TSC22D3: variants seen among roughly 807,000 people sequenced by gnomAD.
TSC22D3 encodes TSC22 domain family protein 3.
A neutral mutation model predicts 11.1 loss-of-function variants in TSC22D3; 4 were observed. The ratio of observed to expected loss-of-function variants is 0.36; its 90% CI spans 0.18 to 0.83. The LOEUF is 0.83. TSC22D3 is among the 40% of genes least tolerant of loss of function. The probability of loss-of-function intolerance (pLI) is 0.48; values close to 1 mark genes in which losing one functional copy is unlikely to be tolerated. For missense variants in TSC22D3, 118 were observed against 159.4 expected, an observed-to-expected ratio of 0.74 and a Z score of 1.40; for synonymous variants, 77 against 70.3, an observed-to-expected ratio of 1.10 and a Z score of -0.48.
intron 1 of TSC22D3, chrX:107,716,151 G>A: frequency 1.6e-6 from 1 of 632,223 alleles, no homozygotes; most frequent in Non-Finnish European, 2.3e-6. Context: ...ATCCAGGCCG[G>A]CTCAGCGCTG....
intron 2 of TSC22D3, chrX:107,715,625 C>A (rs1325008216): frequency 1.2e-5 from 5 of 407,706 alleles, no homozygotes; most frequent in Non-Finnish European, 2.2e-5. Context: ...AGCTCCCTGC[C>A]CAACAACAGG....
At position 107,758,701 on chromosome X, in the gene TSC22D3, C is replaced by A. The variant is rs185645986; in HGVS notation, c.320+16399G>T. On this transcript the variant is annotated intron_variant, in intron 1 of 2. Coordinates refer to ENST00000372383, the MANE Select transcript of TSC22D3 (RefSeq NM_198057.3). ...TCCCTCACAATTCAATAGAGAATTT[C>A]TGCAAACACACACGTAAAGAACTCA... Among the ~76,000 whole-genome samples, 76 of 111,698 alleles carry A rather than the reference C, an allele frequency of 6.8e-4. 2 individuals are homozygous for A. The highest frequency in any genetic ancestry group is 5.6e-3 in the Admixed American group (59 of 10,596).
At chrX:107,756,226 ATTTT>A (rs1210734421) in intron 1 of TSC22D3, among the ~76,000 whole-genome samples, 1 of 111,757 alleles carries the variant, frequency 8.9e-6, no homozygotes, top group African/African-American at 3.3e-5. Context: ...CACTATCAAG[ATTTT>A]TTGCCATATC....
intron 1 of TSC22D3, among the ~76,000 whole-genome samples, chrX:107,719,364 T>C (rs777492396): frequency 8.9e-6 from 1 of 111,878 alleles, no homozygotes; most frequent in South Asian, 3.7e-4. Flanking sequence ...CTCGTCTGAG[T>C]TGTTCATTAG....
intron 1 of TSC22D3, among the ~76,000 whole-genome samples, chrX:107,747,682 G>A (rs760811671): frequency 5.5e-4 from 62 of 113,019 alleles, no homozygotes; most frequent in Non-Finnish European, 1.0e-3. Flanking sequence ...CCAGACACTC[G>A]GCTGTTGCCG....
At position 107,775,343 on chromosome X, in the gene TSC22D3, C is replaced by T. The variant is rs944324427; in HGVS notation, c.77G>A (p.Arg26Gln). ...GCTGCTGCCTCGCTGGAGCCCACTCCGATGGGCCAGGTCCAGGCAGCAGTT... is the reference window on the plus strand; with the variant it reads ...GCTGCTGCCTCGCTGGAGCCCACTCTGATGGGCCAGGTCCAGGCAGCAGTT... ...CCNCCLDLAH[R>Q]SGLQRGSSGE... Residue 26 changes from arginine (R) to glutamine (Q), a missense_variant, in exon 1 of 3, where the codon CGG (arginine) becomes CAG (glutamine). Arg to Gln is a conservative substitution (Grantham distance 43). Transcript: ENST00000372383. 8.3e-7 allele frequency: 1 copy of T among 1,208,183 alleles called. No homozygotes were observed. Among genetic ancestry groups the T allele is most frequent in the African/African-American group, 1.8e-5 (1 of 57,121 alleles).
chrX:107,713,904 T>C lies in TSC22D3; in HGVS notation c.*615A>G, dbSNP rs1177885689. On this transcript the variant is annotated 3_prime_UTR_variant, in exon 3 of 3. Transcript: ENST00000372383. ...CATTTATGGCTATATAGAAAAACTA[T>C]GCCAATACTAACCAAACAGAACTTT... The C allele has an allele frequency of 8.8e-6, 1 of 112,995 alleles. No homozygotes were observed. The highest frequency in any genetic ancestry group is 1.9e-5 in the Non-Finnish European group (1 of 53,523). The allele number at this position is 112,995 out of a possible 1,213,427, so 9.3% of individuals were successfully genotyped here.
chrX:107,717,922 T>C (rs1413834457), intron 1 of TSC22D3, among the ~76,000 whole-genome samples: 3 of 112,030 alleles, frequency 2.7e-5, no homozygotes, highest in Middle Eastern at 4.2e-3. Context: ...GGATCCCGTG[T>C]CTCTATTTTT....
chrX:107,714,412 G>A lies in TSC22D3; in HGVS notation c.*107C>T. On this transcript the variant is annotated 3_prime_UTR_variant, in exon 3 of 3. Coordinates refer to ENST00000372383, the MANE Select transcript of TSC22D3 (RefSeq NM_198057.3). ...ACATCTCTTGGCACCAGCTGTGCTA[G>A]GTGTAAAGTTCTCCTCGTGAGATGA... is the stretch of plus-strand genomic sequence containing the variant. 1.4e-6 allele frequency: 1 copy of A among 708,558 alleles called. No individual in the cohort carries two copies. The highest frequency in any genetic ancestry group is 3.5e-5 in the East Asian group (1 of 28,837). 58.4% of individuals were successfully genotyped at this position (708,558 alleles called of 1,213,427 possible). A position where few individuals can be genotyped will look rare whatever the true frequency, so the allele number is the denominator to read the frequency against.
intron 1 of TSC22D3, among the ~76,000 whole-genome samples, chrX:107,762,846 CTTTTT>C (rs1170456785): frequency 4.6e-3 from 205 of 44,741 alleles, no homozygotes; most frequent in African/African-American, 0.016. Flanking sequence ...TGCACATGTA[CTTTTT>C]TTTTTTTTTT....
chrX:107,775,473 G>T lies in TSC22D3; in HGVS notation c.-54C>A. On this transcript the variant is annotated 5_prime_UTR_variant, in exon 1 of 3. Transcript: ENST00000372383. ...GCGAGGTCAGGGGCGGCTGGCAGGT[G>T]CGCGCCCACCGAGCTGGCCTGAGGG... The T allele has an allele frequency of 9.6e-7, 1 of 1,044,864 alleles. No individual in the cohort carries two copies. The allele number at this position is 1,044,864 out of a possible 1,213,427, so 86.1% of individuals were successfully genotyped here.
At chrX:107,716,177 G>C in intron 1 of TSC22D3, 1 of 694,193 alleles carries the variant, frequency 1.4e-6, no homozygotes, top group Non-Finnish European at 2.0e-6. Flanking sequence ...GCCGCCCCGA[G>C]TTCCAACCGA....
At chrX:107,734,878 TAAAAAA>T (rs781386272) in intron 1 of TSC22D3, among the ~76,000 whole-genome samples, 201 of 37,277 alleles carry the variant, frequency 5.4e-3, no homozygotes, top group Middle Eastern at 0.027. Flanking sequence ...CAACTCTACG[TAAAAAA>T]AAAAAAAAAA....
chrX:107,737,535 C>T (rs1928200088), intron 1 of TSC22D3, among the ~76,000 whole-genome samples: 1 of 111,317 alleles, frequency 9.0e-6, no homozygotes, highest in Non-Finnish European at 1.9e-5. Flanking sequence ...TATATTCTAC[C>T]TTCCCTCCGT....
intron 1 of TSC22D3, among the ~76,000 whole-genome samples, chrX:107,746,756 A>C (rs1254405485): frequency 8.9e-6 from 1 of 112,405 alleles, no homozygotes; most frequent in East Asian, 2.8e-4. Context: ...TTACACATAC[A>C]CACATTCATG....
At chrX:107,761,210 T>C (rs984525028) in intron 1 of TSC22D3, among the ~76,000 whole-genome samples, 8 of 112,487 alleles carry the variant, frequency 7.1e-5, no homozygotes, top group Non-Finnish European at 1.5e-4. Flanking sequence ...CATGATCACA[T>C]ACTGGCTAAT....
At chrX:107,739,919 T>C (rs929344458) in intron 1 of TSC22D3, among the ~76,000 whole-genome samples, 22 of 112,597 alleles carry the variant, frequency 2.0e-4, no homozygotes, top group Middle Eastern at 9.2e-3. Flanking sequence ...ATCGACACGA[T>C]TGATCATCAC....
rs1569451648 is a variant in TSC22D3 at position 107,744,511 on chromosome X, A to AAATTT, written c.321-28562_321-28561insAAATT. On this transcript the variant is annotated intron_variant, in intron 1 of 2. Transcript: ENST00000372383. ...AATAAAAAAAATTTAAATTTAAATT[A>AAATTT]AAAAAAAGCTCAGCATCAAAGAAAA... Among the ~76,000 whole-genome samples, 236 of 111,382 alleles carry AAATTT rather than the reference A, an allele frequency of 2.1e-3. 1 individual carries two copies. The highest frequency in any genetic ancestry group is 7.3e-3 in the African/African-American group (225 of 30,635).
intron 2 of TSC22D3, 160 bp downstream of exon 2, chrX:107,715,739 A>G (rs747466587): frequency 1.5e-5 from 9 of 592,210 alleles, no homozygotes; most frequent in Non-Finnish European, 2.5e-5. Context: ...AAAAGGTGCC[A>G]CTCTAATCAG....
Sources: allele counts gnomAD v4.1 joint callset (sites outside exome capture counted in the v4.1 genomes callset), GRCh38; gene constraint gnomAD v4.1.1; transcripts MANE v1.5; gene names NCBI Gene and HGNC (gene_info 2026-07-23, HGNC 2026-07-21).